The following CELF2 variants were observed in gnomAD, a reference collection of about 807,000 sequenced individuals.
CELF2 encodes the protein CUG triplet repeat RNA-binding protein 2.
Under a neutral mutation model 62.6 loss-of-function variants are expected in CELF2, and 8 were observed. The ratio of observed to expected loss-of-function variants is 0.13; its 90% CI spans 0.07 to 0.23. The LOEUF (loss-of-function observed/expected upper bound fraction) is 0.23. Ranked by LOEUF, CELF2 falls within the 10% of genes least tolerant of loss-of-function variation. CELF2 has a pLI of 1.00. For synonymous variants in CELF2, 258 were observed against 250.0 expected, an observed-to-expected ratio of 1.03 and a Z score of -0.30; for missense variants, 333 against 671.0, an observed-to-expected ratio of 0.50 and a Z score of 5.56.
intron 1 of CELF2, among the ~76,000 whole-genome samples, chr10:11,099,764 T>G (rs1182893991): frequency 6.6e-6 from 1 of 152,116 alleles, no homozygotes; most frequent in African/African-American, 2.4e-5. Flanking sequence ...TGCAGAATCT[T>G]TCTCGTAAAG....
the CELF2 span, among the ~76,000 whole-genome samples, chr10:10,559,422 G>A: frequency 6.6e-6 from 1 of 152,166 alleles, no homozygotes; most frequent in African/African-American, 2.4e-5. Context: ...TGTTACAAGG[G>A]TTCTGGATAA....
chr10:10,870,007 C>A, intron 1 of CELF2, among the ~76,000 whole-genome samples: 1 of 152,112 alleles, frequency 6.6e-6, no homozygotes, highest in East Asian at 1.9e-4. Context: ...TTACCTATAT[C>A]TTATATTATG....
At chr10:10,921,348 C>A (rs1591941988) in intron 2 of CELF2, among the ~76,000 whole-genome samples, 1 of 151,512 alleles carries the variant, frequency 6.6e-6, no homozygotes, top group South Asian at 2.1e-4. Flanking sequence ...CGGCTCACTG[C>A]AACCTCCGCC....
At chr10:10,967,124 G>T (rs2050200732) in intron 2 of CELF2, among the ~76,000 whole-genome samples, 2 of 152,334 alleles carry the variant, frequency 1.3e-5, no homozygotes, top group African/African-American at 4.8e-5. Context: ...CGTGGTCAGA[G>T]GGTGTTTATG....
At chr10:11,149,928 C>T (rs1006104705) in intron 1 of CELF2, among the ~76,000 whole-genome samples, 6 of 152,142 alleles carry the variant, frequency 3.9e-5, no homozygotes, top group Non-Finnish European at 8.8e-5. Flanking sequence ...TAAATATATC[C>T]GTGATTCTAT....
At chr10:11,072,368 T>C (rs1044657615) in intron 1 of CELF2, among the ~76,000 whole-genome samples, 13 of 152,230 alleles carry the variant, frequency 8.5e-5, no homozygotes, top group African/African-American at 3.1e-4. Flanking sequence ...GACTCAAGTC[T>C]TTGATGTTTA....
chr10:10,796,999 A>G (rs2054176632), upstream of CELF2: 1 of 510,392 alleles, frequency 2.0e-6, no homozygotes, highest in Non-Finnish European at 2.5e-6. Context: ...ACTGCTAAAG[A>G]GAAAACAAAT....
In CELF2 at chr10:11,008,058, C is replaced by T. The variant is rs78792565; in HGVS notation, c.53+2618C>T. Among the ~76,000 whole-genome samples, 1,932 of 152,198 alleles carry T rather than the reference C, an allele frequency of 0.013. 44 individuals carry two copies. The highest frequency in any genetic ancestry group is 0.044 in the African/African-American group (1,825 of 41,498). On this transcript the variant is annotated intron_variant, in intron 1 of 12. Transcript: ENST00000416382. This position sits in a 1 kb window ranked among gnomAD's most constrained non-coding sequence, Gnocchi z 4.5. ...GTCTTTTCCTTTCACCTGATAGGGACGGTGTGAGGTTGCCCGAAGCTGGCA... is the reference window on the plus strand; with the variant it reads ...GTCTTTTCCTTTCACCTGATAGGGATGGTGTGAGGTTGCCCGAAGCTGGCA...
intron 3 of CELF2, among the ~76,000 whole-genome samples, chr10:11,240,784 G>T (rs934847665): frequency 7.2e-5 from 11 of 152,164 alleles, no homozygotes; most frequent in Non-Finnish European, 1.6e-4. Flanking sequence ...GCCTGTAGGT[G>T]GAGGCAATCT....
At position 10,972,195 on chromosome 10, in the gene CELF2, T is replaced by C. The variant is rs1270465883; in HGVS notation, c.89+52196T>C. Among the ~76,000 whole-genome samples the C allele has an allele frequency of 6.6e-6, 1 of 152,210 alleles. No individual in the cohort carries two copies. Among genetic ancestry groups the C allele is most frequent in the Non-Finnish European group, 1.5e-5 (1 of 68,038 alleles). ...CAATTTCTTATTCAGGGAAACTCGCTACCTAGGTTATCCCAAAGCATGCAC... is the reference window on the plus strand; with the variant it reads ...CAATTTCTTATTCAGGGAAACTCGCCACCTAGGTTATCCCAAAGCATGCAC... On this transcript the variant is annotated intron_variant, in intron 2 of 13. Transcript: ENST00000636488. The surrounding 1 kb of genome is among the most constrained non-coding windows in gnomAD (Gnocchi z 4.4).
At chr10:10,841,342 T>C (rs1455054676) in intron 1 of CELF2, among the ~76,000 whole-genome samples, 1 of 64,626 alleles carries the variant, frequency 1.5e-5, no homozygotes, top group Admixed American at 1.4e-4. Context: ...TTTGATATAG[T>C]ATCAAAAAAA....
At chr10:11,149,677 C>A (rs1345673232) in intron 1 of CELF2, among the ~76,000 whole-genome samples, 6 of 152,124 alleles carry the variant, frequency 3.9e-5, no homozygotes, top group African/African-American at 1.4e-4. Flanking sequence ...TTCTCATGTT[C>A]CTGTGTGCTG....
Position 11,072,904 on chromosome 10 carries a change from A to G in CELF2, c.74+54741A>G, listed in dbSNP as rs971484032. On this transcript the variant is annotated intron_variant, in intron 1 of 12. Coordinates refer to ENST00000633077, the MANE Select transcript of CELF2 (RefSeq NM_001326342.2). ...AAACATAATAAAATTGGTTTTTAAA[A>G]CATAGAAAACATTTTTAATAACTAT... Among the ~76,000 whole-genome samples, 3 of 152,052 alleles carry G rather than the reference A, an allele frequency of 2.0e-5. No individual in the cohort carries two copies. The South Asian group carries it at 6.2e-4, about 32-fold the overall frequency.
chr10:11,130,999 A>G (rs2059538973), intron 1 of CELF2, among the ~76,000 whole-genome samples: 1 of 152,276 alleles, frequency 6.6e-6, no homozygotes, highest in African/African-American at 2.4e-5. Context: ...TGAATCCAGC[A>G]TCCAACTGTT....
the CELF2 span, among the ~76,000 whole-genome samples, chr10:10,640,931 T>C: frequency 5.9e-3 from 899 of 152,272 alleles, 9 homozygotes; most frequent in African/African-American, 0.02. Context: ...CCTCATCTCA[T>C]CTGCTTGGCT....
upstream of CELF2, among the ~76,000 whole-genome samples, chr10:11,003,980 T>C (rs139203458): frequency 1.7e-3 from 257 of 152,302 alleles, no homozygotes; most frequent in African/African-American, 5.9e-3. This position sits in a 1 kb window ranked among gnomAD's most constrained non-coding sequence, Gnocchi z 4.4. Flanking sequence ...TTTGCCATAG[T>C]CCAGCTGATA....
chr10:11,047,867 C>G (rs2063147134), intron 1 of CELF2, among the ~76,000 whole-genome samples: 1 of 152,108 alleles, frequency 6.6e-6, no homozygotes, highest in South Asian at 2.1e-4. Flanking sequence ...TTACTGTTGC[C>G]ACATGCACTT....
chr10:10,705,850 A>G, the CELF2 span, among the ~76,000 whole-genome samples: 4 of 152,200 alleles, frequency 2.6e-5, no homozygotes, highest in African/African-American at 7.2e-5. Context: ...AAATTATGCC[A>G]CTCTGCCAGT....
intron 1 of CELF2, among the ~76,000 whole-genome samples, chr10:11,088,030 G>A (rs2047292466): frequency 6.6e-6 from 1 of 152,232 alleles, no homozygotes; most frequent in African/African-American, 2.4e-5. Context: ...AAGGCAGTGT[G>A]TTAGGCATTG....
Sources: allele counts gnomAD v4.1 joint callset (sites outside exome capture counted in the v4.1 genomes callset), GRCh38; gene constraint gnomAD v4.1.1; non-coding constraint Gnocchi (gnomAD v3.1); transcripts MANE v1.5; gene names NCBI Gene and HGNC (gene_info 2026-07-23, HGNC 2026-07-21).